The following ANKFN1 variants were observed in gnomAD, a reference collection of about 807,000 sequenced individuals.
ANKFN1 encodes ankyrin repeat and fibronectin type-III domain-containing protein 1.
Under a neutral mutation model 108.7 loss-of-function variants are expected in ANKFN1, and 74 were observed. The observed-to-expected ratio is 0.68, with a 90% CI of 0.56 to 0.83. The LOEUF (loss-of-function observed/expected upper bound fraction) is 0.83, where lower values mean the gene tolerates loss of function less well. ANKFN1 is among the 40% of genes least tolerant of loss of function. The probability of loss-of-function intolerance (pLI) is 0.00; values close to 1 mark genes in which losing one functional copy is unlikely to be tolerated. For missense variants in ANKFN1, 1,505 were observed against 1,382.3 expected, an observed-to-expected ratio of 1.09 and a Z score of -1.41; for synonymous variants, 547 against 516.2, an observed-to-expected ratio of 1.06 and a Z score of -0.81.
In ANKFN1 at chr17:56,128,661, G is replaced by A. The variant is rs1309406694; in HGVS notation, c.288+82336G>A. Among the ~76,000 whole-genome samples, 5 of 152,188 alleles carry A rather than the reference G, an allele frequency of 3.3e-5. No individual in the cohort carries two copies. The South Asian group carries it at 8.3e-4, about 25-fold the overall frequency. Reference sequence around the variant, plus strand: ...TGTACCTAATGTTTGCACTGGGGCAGTATTTCCCAAGGCAGTAGTAAAGGC... The same window carrying A: ...TGTACCTAATGTTTGCACTGGGGCAATATTTCCCAAGGCAGTAGTAAAGGC... On this transcript the variant is annotated intron_variant, in intron 4 of 12. Coordinates refer to the ANKFN1 transcript ENST00000635860.
intron 1 of ANKFN1, among the ~76,000 whole-genome samples, chr17:56,205,668 A>T (rs1286554749): frequency 6.6e-6 from 1 of 152,110 alleles, no homozygotes; most frequent in African/African-American, 2.4e-5. Context: ...TTTTTTTCAT[A>T]GCCAATTCAT....
intron 4 of ANKFN1, among the ~76,000 whole-genome samples, chr17:56,081,000 G>A (rs1014236469): frequency 6.6e-6 from 1 of 152,154 alleles, no homozygotes; most frequent in Non-Finnish European, 1.5e-5. Context: ...AGGGTTGAGG[G>A]GCAACTCACA....
At chr17:56,398,499 G>C (rs1464496071) in intron 8 of ANKFN1, among the ~76,000 whole-genome samples, 1 of 152,070 alleles carries the variant, frequency 6.6e-6, no homozygotes, top group Non-Finnish European at 1.5e-5. Context: ...AGGTTAATTT[G>C]TGATATCTCA....
chr17:56,510,026 C>T (rs2051692851), intron 20 of ANKFN1, among the ~76,000 whole-genome samples: 1 of 152,214 alleles, frequency 6.6e-6, no homozygotes, highest in Admixed American at 6.5e-5. Flanking sequence ...CTGGAGTCTC[C>T]TCTTCTTCGT....
At chr17:56,120,282 C>A (rs1906534607) in intron 4 of ANKFN1, among the ~76,000 whole-genome samples, 1 of 152,176 alleles carries the variant, frequency 6.6e-6, no homozygotes, top group African/African-American at 2.4e-5. Context: ...CTACATCTCA[C>A]TCCATTCTGC....
chr17:56,334,054 T>G (rs928012118), intron 4 of ANKFN1, among the ~76,000 whole-genome samples: 2 of 152,200 alleles, frequency 1.3e-5, no homozygotes, highest in Admixed American at 6.6e-5. Context: ...TATTAAGTAT[T>G]ATTAAATTAA....
intron 4 of ANKFN1, among the ~76,000 whole-genome samples, chr17:56,050,008 A>T (rs1904747723): frequency 6.6e-6 from 1 of 152,144 alleles, no homozygotes; most frequent in African/African-American, 2.4e-5. Context: ...AATCCCACCA[A>T]CAGTGTAAAA....
intron 4 of ANKFN1, among the ~76,000 whole-genome samples, chr17:56,346,532 T>TA (rs1350837550): frequency 6.6e-6 from 1 of 152,060 alleles, no homozygotes; most frequent in Admixed American, 6.6e-5. Context: ...TAGGGCAAGT[T>TA]AAAATGCCAC....
intron 3 of ANKFN1, among the ~76,000 whole-genome samples, chr17:56,319,395 C>A (rs985524840): frequency 6.6e-6 from 1 of 152,142 alleles, no homozygotes; most frequent in Non-Finnish European, 1.5e-5. Flanking sequence ...GAGAATTCTG[C>A]ACAACATCCT....
chr17:56,121,747 A>T (rs1241709670), intron 4 of ANKFN1, among the ~76,000 whole-genome samples: 1 of 152,196 alleles, frequency 6.6e-6, no homozygotes, highest in Non-Finnish European at 1.5e-5. Context: ...GAATAAAGGG[A>T]TCATTAACAT....
In ANKFN1 at chr17:56,477,647, A is replaced by G. The variant is rs1568034814; in HGVS notation, c.1933A>G (p.Ile645Val). The G allele has an allele frequency of 1.2e-6, 2 of 1,612,162 alleles. No individual in the cohort carries two copies. Among genetic ancestry groups the G allele is most frequent in the Non-Finnish European group, 1.7e-6 (2 of 1,179,368 alleles). ...CHVKIRENNNISREEWEWIQK... is the reference protein window; with the variant it reads ...CHVKIRENNNVSREEWEWIQK... ...CGTGAAGATCCGTGAAAACAATAAT[A>G]TTTCTAGGTAAGTGATCAGGAGTTA... The change falls in exon 16 of 21, where the codon ATT becomes GTT. Residue 645 changes from isoleucine to valine, a missense_variant. Ile to Val is a conservative substitution (Grantham distance 29). Coordinates refer to ENST00000682825, the MANE Select transcript of ANKFN1 (RefSeq NM_001370326.1).
chr17:56,445,503 T>C (rs901562611), intron 10 of ANKFN1, among the ~76,000 whole-genome samples: 3 of 152,206 alleles, frequency 2.0e-5, no homozygotes, highest in Non-Finnish European at 4.4e-5. Context: ...TTAGTAGGGA[T>C]AACTGGCAAA....
chr17:56,241,869 A>T (rs1450315157), intron 3 of ANKFN1, among the ~76,000 whole-genome samples: 1 of 152,128 alleles, frequency 6.6e-6, no homozygotes, highest in African/African-American at 2.4e-5. Context: ...GAATTTCATA[A>T]CCAAGATGGC....
At chr17:56,071,889 C>A (rs1598088169) in intron 4 of ANKFN1, among the ~76,000 whole-genome samples, 1 of 152,310 alleles carries the variant, frequency 6.6e-6, no homozygotes, top group East Asian at 1.9e-4. Context: ...ACAAGGCACT[C>A]ACCATTCACA....
rs902533496 is a variant in ANKFN1 at position 56,420,707 on chromosome 17, G to A, written c.911-19620G>A. On this transcript the variant is annotated intron_variant, in intron 8 of 20. Coordinates refer to ENST00000682825, the MANE Select transcript of ANKFN1 (RefSeq NM_001370326.1). Reference sequence around the variant, plus strand: ...TCTTTTTTTTTTTTTTTTTTTTATTGTTGTTTTCTTTTTTTTTTGAGACGG... The same window carrying A: ...TCTTTTTTTTTTTTTTTTTTTTATTATTGTTTTCTTTTTTTTTTGAGACGG... 3.0e-4 allele frequency among the ~76,000 whole-genome samples: 25 copies of A among 83,214 alleles called. 1 individual carries two copies. The East Asian group carries it at 5.6e-3, about 19-fold the overall frequency. The allele number at this position is 83,214 out of a possible 152,430, so 54.6% of individuals were successfully genotyped here. A position where few individuals can be genotyped will look rare whatever the true frequency, so the allele number is the denominator to read the frequency against.
At chr17:56,091,545 G>A (rs1213828678) in intron 4 of ANKFN1, among the ~76,000 whole-genome samples, 3 of 150,904 alleles carry the variant, frequency 2.0e-5, no homozygotes, top group Admixed American at 2.0e-4. Context: ...TTTAACAAAT[G>A]TGGAGCAGCA....
chr17:56,200,668 G>A (rs745371823), intron 1 of ANKFN1, among the ~76,000 whole-genome samples: 3 of 152,076 alleles, frequency 2.0e-5, no homozygotes, highest in Non-Finnish European at 4.4e-5. Context: ...CAAGACCAGC[G>A]TCCCAATCTG....
At chr17:56,221,421 T>G (rs767387912) in intron 2 of ANKFN1, among the ~76,000 whole-genome samples, 4 of 152,136 alleles carry the variant, frequency 2.6e-5, no homozygotes, top group Admixed American at 6.5e-5. Flanking sequence ...GGTGACCAAA[T>G]TATGAAAATT....
chr17:56,369,467 T>C (rs565715002), intron 6 of ANKFN1, among the ~76,000 whole-genome samples: 1 of 152,244 alleles, frequency 6.6e-6, no homozygotes, highest in South Asian at 2.1e-4. Flanking sequence ...AAAATAGAAA[T>C]TGGATTCCCA....
Sources: gnomAD v4.1 joint callset for allele counts (sites outside exome capture counted in the v4.1 genomes callset) on GRCh38, gnomAD v4.1.1 for gene constraint, MANE v1.5 for transcripts, NCBI Gene and HGNC (gene_info 2026-07-23, HGNC 2026-07-21) for gene names.